Variants in NBEA observed in about 807,000 individuals in gnomAD.
NBEA encodes the protein lysosomal-trafficking regulator 2.
NBEA carries 44 observed loss-of-function variants against 343.4 expected under a neutral mutation model. The observed-to-expected ratio is 0.13, with a 90% CI of 0.10 to 0.16. The LOEUF is 0.16. Among genes scored for constraint, NBEA ranks in the 10% least tolerant of loss-of-function variants. The pLI, the probability that NBEA is intolerant of heterozygous loss-of-function variation, is 1.00. For missense variants in NBEA, 2,555 were observed against 3,631.3 expected (o/e 0.70, Z 7.62); for synonymous variants, 1,175 against 1,238.7 (o/e 0.95, Z 1.08).
At chr13:35,426,645 A>C (rs2044696078) in intron 38 of NBEA, among the ~76,000 whole-genome samples, 1 of 151,826 alleles carries the variant, frequency 6.6e-6, no homozygotes, top group East Asian at 1.9e-4. Context: ...CTTCTCGAGG[A>C]GTATCTTTGT....
chr13:35,195,645 C>T (rs1050305102), intron 30 of NBEA, among the ~76,000 whole-genome samples: 2 of 152,094 alleles, frequency 1.3e-5, no homozygotes, highest in Non-Finnish European at 2.9e-5. Flanking sequence ...GATCCATCTG[C>T]CTCAGCCTCC....
At chr13:35,049,408 A>T (rs563188049) in intron 5 of NBEA, among the ~76,000 whole-genome samples, 15 of 151,880 alleles carry the variant, frequency 9.9e-5, no homozygotes, top group Non-Finnish European at 8.9e-5. Flanking sequence ...GGTGTCTTCA[A>T]CTATACCAAT....
chr13:35,132,313 A>G (rs368826802), intron 17 of NBEA, among the ~76,000 whole-genome samples: 6 of 152,150 alleles, frequency 3.9e-5, no homozygotes, highest in Non-Finnish European at 7.3e-5. Context: ...GCGTGCCACC[A>G]TGCCCAGCTA....
At chr13:35,059,983 C>T (rs1302546292) in intron 8 of NBEA, among the ~76,000 whole-genome samples, 2 of 151,668 alleles carry the variant, frequency 1.3e-5, no homozygotes, top group Non-Finnish European at 2.9e-5. Flanking sequence ...CTTTTTCTTT[C>T]ATGGGTCTTT....
intron 41 of NBEA, among the ~76,000 whole-genome samples, chr13:35,540,327 A>G (rs1014619278): frequency 6.6e-6 from 1 of 152,176 alleles, no homozygotes; most frequent in South Asian, 2.1e-4. Context: ...AGAGAAGTTA[A>G]TGTATTCAGT....
chr13:35,118,712 C>T (rs1192735851), intron 16 of NBEA, among the ~76,000 whole-genome samples: 3 of 151,734 alleles, frequency 2.0e-5, no homozygotes, highest in Non-Finnish European at 4.4e-5. Flanking sequence ...AAGGACATTA[C>T]AAATTGTGAA....
Position 35,628,518 on chromosome 13 carries a change from A to G in NBEA, c.7617+270A>G, listed in dbSNP as rs76931710. On this transcript the variant is annotated intron_variant, in intron 49 of 58. Coordinates refer to ENST00000379939, the MANE Select transcript of NBEA (RefSeq NM_001385012.1). ...TTCAAAATTTACATTAAAATATGTA[A>G]TGCTTTACGTATTTTAGTAATAAGT... 5.9e-4 allele frequency among the ~76,000 whole-genome samples: 90 copies of G among 152,350 alleles called. No homozygotes were observed. The East Asian group carries it at 0.014, about 24-fold the overall frequency.
intron 34 of NBEA, among the ~76,000 whole-genome samples, chr13:35,244,104 G>A (rs777523788): frequency 6.6e-6 from 1 of 151,624 alleles, no homozygotes; most frequent in Non-Finnish European, 1.5e-5. Context: ...AATCACAGTG[G>A]AATGAAACTA....
intron 16 of NBEA, 102 bp downstream of exon 16, chr13:35,118,576 G>A: frequency 1.2e-6 from 1 of 865,616 alleles, no homozygotes; most frequent in South Asian, 1.9e-5. Context: ...ATATAGCAAA[G>A]TCTTGCACAT....
At chr13:34,978,819 T>C (rs1170362241) in intron 1 of NBEA, among the ~76,000 whole-genome samples, 1 of 152,212 alleles carries the variant, frequency 6.6e-6, no homozygotes, top group Non-Finnish European at 1.5e-5. Flanking sequence ...TGATGAGTTG[T>C]GGACCATTGT....
chr13:35,598,148 A>G (rs1184033823), intron 47 of NBEA, among the ~76,000 whole-genome samples: 1 of 152,200 alleles, frequency 6.6e-6, no homozygotes, highest in Non-Finnish European at 1.5e-5. Context: ...GGAGCTAAAA[A>G]GACAAATTAT....
At chr13:35,563,264 A>G (rs1284320129) in intron 44 of NBEA, among the ~76,000 whole-genome samples, 3 of 151,974 alleles carry the variant, frequency 2.0e-5, no homozygotes, top group African/African-American at 7.2e-5. Context: ...TGTATTTACT[A>G]AATATCAACT....
intron 1 of NBEA, among the ~76,000 whole-genome samples, chr13:35,020,990 A>T (rs529127058): frequency 6.6e-6 from 1 of 152,128 alleles, no homozygotes; most frequent in African/African-American, 2.4e-5. Flanking sequence ...ATGCATTCAC[A>T]TGTAGGATTG....
intron 39 of NBEA, among the ~76,000 whole-genome samples, chr13:35,445,021 A>T (rs1331183338): frequency 1.3e-5 from 2 of 152,166 alleles, no homozygotes. Flanking sequence ...AGGCTCATTC[A>T]CATTTTAATG....
chr13:35,379,253 T>C (rs1257833292), intron 38 of NBEA, among the ~76,000 whole-genome samples: 1 of 152,130 alleles, frequency 6.6e-6, no homozygotes, highest in Non-Finnish European at 1.5e-5. Context: ...ATTTTAGCTA[T>C]TTAGGTGGGA....
In NBEA at chr13:34,942,745, C is replaced by A. The variant is rs970513363; in HGVS notation, c.-76C>A. 3 of 1,184,392 alleles carry A rather than the reference C, an allele frequency of 2.5e-6. No individual in the cohort carries two copies. Among genetic ancestry groups the A allele is most frequent in the African/African-American group, 1.6e-5 (1 of 62,578 alleles). The allele number at this position is 1,184,392 out of a possible 1,614,324, so 73.4% of individuals were successfully genotyped here. Reference sequence around the variant, plus strand: ...GGGCTCCGAGGCGACGGCCGGGGGGCGGGGGCCGAGGCAGGTATAACGGTA... The same window carrying A: ...GGGCTCCGAGGCGACGGCCGGGGGGAGGGGGCCGAGGCAGGTATAACGGTA... On this transcript the variant is annotated 5_prime_UTR_variant, in exon 1 of 59. Transcript: ENST00000379939.
At chr13:35,646,232 A>T (rs1240049783) in intron 50 of NBEA, 27 bp from the exon 51 acceptor site, 1 of 1,537,476 alleles carries the variant, frequency 6.5e-7, no homozygotes, top group East Asian at 2.3e-5. Flanking sequence ...CATATTGATT[A>T]TGACAATCAC....
chr13:35,538,021 C>G (rs1418986509), intron 41 of NBEA, among the ~76,000 whole-genome samples: 2 of 152,208 alleles, frequency 1.3e-5, no homozygotes, highest in East Asian at 3.9e-4. Flanking sequence ...GAGAGATCCT[C>G]TGATTGGACC....
intron 10 of NBEA, among the ~76,000 whole-genome samples, chr13:35,083,469 A>G (rs530905561): frequency 6.6e-6 from 1 of 152,150 alleles, no homozygotes; most frequent in Non-Finnish European, 1.5e-5. Flanking sequence ...ATTCCTAAAC[A>G]AAAGAATTTT....
Sources: gnomAD v4.1 joint callset for allele counts (sites outside exome capture counted in the v4.1 genomes callset) on GRCh38, gnomAD v4.1.1 for gene constraint, MANE v1.5 for transcripts, NCBI Gene and HGNC (gene_info 2026-07-23, HGNC 2026-07-21) for gene names.